PAFAH1B2: variants seen among roughly 807,000 people sequenced by gnomAD.
PAFAH1B2 encodes platelet-activating factor acetylhydrolase IB subunit alpha2.
Under a neutral mutation model 28.0 loss-of-function variants are expected in PAFAH1B2, and 8 were observed. That is an observed-to-expected ratio of 0.29 (90% CI 0.17 to 0.52). The LOEUF is 0.52. PAFAH1B2 is among the 20% of genes least tolerant of loss of function. The pLI is 0.97. For missense variants in PAFAH1B2, 190 were observed against 282.6 expected, an observed-to-expected ratio of 0.67 and a Z score of 2.35; for synonymous variants, 104 against 103.2, an observed-to-expected ratio of 1.01 and a Z score of -0.05.
chr11:117,175,471 G>A, downstream of PAFAH1B2: 1 of 1,078,088 alleles, frequency 9.3e-7, no homozygotes, highest in Non-Finnish European at 1.1e-6. Context: ...TGTAGACGCA[G>A]GGTCCTGACG....
At chr11:117,172,907 T>A (rs1956704046), downstream of PAFAH1B2, among the ~76,000 whole-genome samples, 2 of 152,328 alleles carry the variant, frequency 1.3e-5, no homozygotes, top group East Asian at 1.9e-4. Flanking sequence ...TTCGCCATGT[T>A]TACCAGGCTG....
intron 1 of PAFAH1B2, among the ~76,000 whole-genome samples, chr11:117,151,945 G>A (rs1956160876): frequency 6.6e-6 from 1 of 152,104 alleles, no homozygotes; most frequent in African/African-American, 2.4e-5. Context: ...CTGACCTCGT[G>A]ATCCACCTGC....
rs1591756558 is a variant in PAFAH1B2 at position 117,170,002 on chromosome 11, C to G, written c.*2303C>G. The G allele has an allele frequency of 9.5e-7, 1 of 1,054,296 alleles. No homozygotes were observed. The allele number at this position is 1,054,296 out of a possible 1,614,324, so 65.3% of individuals were successfully genotyped here. On this transcript the variant is annotated 3_prime_UTR_variant, in exon 6 of 6. Transcript: ENST00000527958. ...AGATGTTACTACATTTTATATCTAC[C>G]AGAGCTATTCAAGCAATAGTATTTG...
At chr11:117,146,114 CTTTTTT>C (rs376242740) in intron 1 of PAFAH1B2, among the ~76,000 whole-genome samples, 2 of 137,972 alleles carry the variant, frequency 1.4e-5, no homozygotes, top group Non-Finnish European at 3.1e-5. Context: ...GTCTTTCTTT[CTTTTTT>C]TTTTTTTTTT....
At position 117,168,802 on chromosome 11, in the gene PAFAH1B2, G is replaced by C. The variant is rs898421583; in HGVS notation, c.*1103G>C. On this transcript the variant is annotated 3_prime_UTR_variant, in exon 6 of 6. Transcript: ENST00000527958. The stretch of plus-strand genomic sequence containing the variant: ...TATTGGCTTAGTTGTTTTTTGTTTT[G>C]TTTTGTTTGAGATGGAGTTTCACTG... 1 of 966,646 alleles carries C rather than the reference G, an allele frequency of 1.0e-6. No homozygotes were observed. Among genetic ancestry groups the C allele is most frequent in the Non-Finnish European group, 1.3e-6 (1 of 797,656 alleles). 59.9% of individuals were successfully genotyped at this position (966,646 alleles called of 1,614,324 possible).
At chr11:117,164,429 G>A (rs999193220) in intron 5 of PAFAH1B2, among the ~76,000 whole-genome samples, 3 of 151,630 alleles carry the variant, frequency 2.0e-5, no homozygotes, top group Non-Finnish European at 4.4e-5. Flanking sequence ...TATGGAAGCC[G>A]TTTGGTGCCT....
At chr11:117,159,322 T>G (rs1956319159) in intron 2 of PAFAH1B2, 2 of 152,176 alleles carry the variant, frequency 1.3e-5, no homozygotes, top group Admixed American at 6.5e-5. Context: ...ATGAGAGGAA[T>G]AAGCTTTGGG....
intron 1 of PAFAH1B2, among the ~76,000 whole-genome samples, chr11:117,148,426 G>T (rs1364730752): frequency 6.6e-6 from 1 of 152,122 alleles, no homozygotes; most frequent in South Asian, 2.1e-4. Context: ...TGTCACTCTG[G>T]TTTCAAATCC....
chr11:117,153,964 C>G (rs1956210323), intron 2 of PAFAH1B2, among the ~76,000 whole-genome samples: 1 of 149,586 alleles, frequency 6.7e-6, no homozygotes. Flanking sequence ...TATACAGTGG[C>G]TCATGCCTGT....
At chr11:117,171,762 G>C (rs555001040), downstream of PAFAH1B2, 19 of 1,531,470 alleles carry the variant, frequency 1.2e-5, no homozygotes, top group East Asian at 3.7e-4. Flanking sequence ...TTGGTATGCC[G>C]GTATGATGTT....
intron 3 of PAFAH1B2, among the ~76,000 whole-genome samples, chr11:117,160,770 A>G (rs532742915): frequency 3.9e-4 from 59 of 151,832 alleles, no homozygotes; most frequent in Admixed American, 7.2e-4. Context: ...AGGGAAATTT[A>G]AAAGATAGCT....
chr11:117,175,557 G>C (rs1053797816), downstream of PAFAH1B2: 6 of 1,114,674 alleles, frequency 5.4e-6, no homozygotes, highest in African/African-American at 9.6e-5. Context: ...TTTCTCTCCA[G>C]ATATTGCCAG....
At chr11:117,151,192 T>C (rs759644971) in intron 1 of PAFAH1B2, among the ~76,000 whole-genome samples, 81 of 151,700 alleles carry the variant, frequency 5.3e-4, no homozygotes, top group Admixed American at 2.6e-4. Context: ...ACTTGCTAGA[T>C]GACATATTTG....
At position 117,168,445 on chromosome 11, in the gene PAFAH1B2, C is replaced by CGGTTG; in HGVS notation, c.*747_*748insGTTGG. The CGGTTG allele has an allele frequency of 5.7e-6, 2 of 353,516 alleles. No individual in the cohort carries two copies. The highest frequency in any genetic ancestry group is 6.8e-6 in the Non-Finnish European group (2 of 293,044). The allele number at this position is 353,516 out of a possible 1,614,324, so 21.9% of individuals were successfully genotyped here. Reference sequence around the variant, plus strand: ...TTCCCCTTCATTCCCCCCGCCACCCCGTTTTTTTTTTTTTTTTTTTTTTTT... The same window carrying CGGTTG: ...TTCCCCTTCATTCCCCCCGCCACCCCGGTTGGTTTTTTTTTTTTTTTTTTTTTTTT... On this transcript the variant is annotated 3_prime_UTR_variant, in exon 6 of 6. Transcript: ENST00000527958.
chr11:117,169,038 G>T lies in PAFAH1B2; in HGVS notation c.*1339G>T. On this transcript the variant is annotated 3_prime_UTR_variant, in exon 6 of 6. Coordinates refer to ENST00000527958, the MANE Select transcript of PAFAH1B2 (RefSeq NM_002572.4). Reference sequence around the variant, plus strand: ...ACTCCTGACCTCAGGTGATCTGCCCGCCTTGGCCTCCCAAAGTGCTGGGAT... The same window carrying T: ...ACTCCTGACCTCAGGTGATCTGCCCTCCTTGGCCTCCCAAAGTGCTGGGAT... 8.4e-6 allele frequency: 6 copies of T among 711,696 alleles called. No individual in the cohort carries two copies. Among genetic ancestry groups the T allele is most frequent in the Non-Finnish European group, 1.1e-5 (6 of 569,622 alleles). The allele number at this position is 711,696 out of a possible 1,614,324, so 44.1% of individuals were successfully genotyped here.
At chr11:117,167,383 G>GT (rs1956536402) in intron 5 of PAFAH1B2, 38 bp from the exon 6 acceptor site, 1 of 1,500,364 alleles carries the variant, frequency 6.7e-7, no homozygotes, top group African/African-American at 1.4e-5. Context: ...AGAAAAATAA[G>GT]TGAATCTTCT....
chr11:117,154,961 A>C (rs1956228302), intron 2 of PAFAH1B2, among the ~76,000 whole-genome samples: 1 of 152,042 alleles, frequency 6.6e-6, no homozygotes, highest in African/African-American at 2.4e-5. Context: ...TATACATTTG[A>C]TATTTTGCGT....
At chr11:117,163,274 A>T (rs1956416936) in intron 4 of PAFAH1B2, among the ~76,000 whole-genome samples, 1 of 151,888 alleles carries the variant, frequency 6.6e-6, no homozygotes, top group African/African-American at 2.4e-5. Context: ...TGGGCAATAT[A>T]GCATGACCCT....
Position 117,169,589 on chromosome 11 carries a change from GGTTTT to G in PAFAH1B2, c.*1894_*1898del, listed in dbSNP as rs1344267420. 46 of 1,052,970 alleles carry G rather than the reference GGTTTT, an allele frequency of 4.4e-5. No homozygotes were observed. Among genetic ancestry groups the G allele is most frequent in the Non-Finnish European group, 5.3e-5 (46 of 871,304 alleles). The allele number at this position is 1,052,970 out of a possible 1,614,324, so 65.2% of individuals were successfully genotyped here. A position where few individuals can be genotyped will look rare whatever the true frequency, so the allele number is the denominator to read the frequency against. On this transcript the variant is annotated 3_prime_UTR_variant, in exon 6 of 6. Transcript: ENST00000527958. ...GAAGTCTCTTTCTAGAAAATTTTTT[GGTTTT>G]GTTCTTTTTAAAAAATACATACTTT...
Sources: gnomAD v4.1 joint callset for allele counts (sites outside exome capture counted in the v4.1 genomes callset) on GRCh38, gnomAD v4.1.1 for gene constraint, MANE v1.5 for transcripts, NCBI Gene and HGNC (gene_info 2026-07-23, HGNC 2026-07-21) for gene names.